MEOX2: variants seen among roughly 807,000 people sequenced by gnomAD.
The protein encoded by MEOX2 is mesenchyme homeobox 2.
Under a neutral mutation model 27.0 loss-of-function variants are expected in MEOX2, and 11 were observed. That is an observed-to-expected ratio of 0.41 (90% confidence interval 0.26 to 0.68). MEOX2 has a LOEUF of 0.68. Ranked by LOEUF, MEOX2 falls within the 30% of genes least tolerant of loss-of-function variation. The pLI, the probability that MEOX2 is intolerant of heterozygous loss-of-function variation, is 0.33. For missense variants in MEOX2, 436 were observed against 385.4 expected (o/e 1.13, Z -1.10); for synonymous variants, 189 against 155.4 (o/e 1.22, Z -1.61).
intron 1 of MEOX2, among the ~76,000 whole-genome samples, chr7:15,649,763 G>A (rs1781708372): frequency 6.6e-6 from 1 of 152,042 alleles, no homozygotes; most frequent in Non-Finnish European, 1.5e-5. Context: ...CAATGAGTAT[G>A]GGGTATTGCA....
intron 1 of MEOX2, among the ~76,000 whole-genome samples, chr7:15,640,605 G>A (rs1781544519): frequency 6.6e-6 from 1 of 152,056 alleles, no homozygotes; most frequent in Non-Finnish European, 1.5e-5. Flanking sequence ...TCTTCTTTCA[G>A]TTATTAAAGG....
At position 15,685,319 on chromosome 7, in the gene MEOX2, G is replaced by A. The variant is rs190436217; in HGVS notation, c.517+567C>T. ...AGGGAAAATTTTACCATTTGAAATA[G>A]GGTGCTATTTAAAGAACGCTGAAAT... On this transcript the variant is annotated intron_variant, in intron 1 of 2. Transcript: ENST00000262041. Among the ~76,000 whole-genome samples, 473 of 152,102 alleles carry A rather than the reference G, an allele frequency of 3.1e-3. 3 individuals carry two copies. Among genetic ancestry groups the A allele is most frequent in the Non-Finnish European group, 3.2e-3 (217 of 67,992 alleles).
At chr7:15,625,657 C>A (rs1562596903) in intron 2 of MEOX2, among the ~76,000 whole-genome samples, 1 of 152,064 alleles carries the variant, frequency 6.6e-6, no homozygotes. Context: ...AGACTCTAGC[C>A]CTAAGAGTGC....
At chr7:15,627,029 G>T (rs1781320330) in intron 1 of MEOX2, 111 bp from the exon 2 acceptor site, 2 of 1,008,106 alleles carry the variant, frequency 2.0e-6, no homozygotes, top group African/African-American at 3.2e-5. Flanking sequence ...GCTAGACATG[G>T]AACAAATAGA....
At chr7:15,621,227 G>C (rs1781218497) in intron 2 of MEOX2, among the ~76,000 whole-genome samples, 1 of 152,192 alleles carries the variant, frequency 6.6e-6, no homozygotes, top group Admixed American at 6.5e-5. Flanking sequence ...GAAGCTGTAA[G>C]TTAGAAGCTA....
Position 15,670,295 on chromosome 7 carries a change from T to C in MEOX2, c.517+15591A>G, listed in dbSNP as rs539893935. ...TTTTCATAAATATTTGGTTGATAGA[T>C]GCAAGAATTTATCCATGAAGGCATT... is the stretch of plus-strand genomic sequence containing the variant. On this transcript the variant is annotated intron_variant, in intron 1 of 2. Coordinates refer to ENST00000262041, the MANE Select transcript of MEOX2 (RefSeq NM_005924.5). 7.2e-5 allele frequency among the ~76,000 whole-genome samples: 11 copies of C among 152,364 alleles called. No homozygotes were observed. In the South Asian group the frequency reaches 2.3e-3, roughly 32 times the overall value.
In MEOX2 at chr7:15,655,368, T is replaced by C. The variant is rs183659523; in HGVS notation, c.518-28450A>G. ...TTATTTTCTTTATTACTTTTATATA[T>C]TTTCAACATCATTGATTTCTGCTCT... is the stretch of plus-strand genomic sequence containing the variant. On this transcript the variant is annotated intron_variant, in intron 1 of 2. Transcript: ENST00000262041. Among the ~76,000 whole-genome samples the C allele has an allele frequency of 4.3e-3, 646 of 151,654 alleles. 4 individuals are homozygous for C. The highest frequency in any genetic ancestry group is 5.2e-3 in the Non-Finnish European group (348 of 67,572).
intron 1 of MEOX2, among the ~76,000 whole-genome samples, chr7:15,641,381 GT>G (rs1232449313): frequency 6.6e-6 from 1 of 151,916 alleles, no homozygotes; most frequent in Non-Finnish European, 1.5e-5. Flanking sequence ...TTGTTTGTTT[GT>G]TTGTTTTAAC....
intron 1 of MEOX2, among the ~76,000 whole-genome samples, chr7:15,643,685 C>G (rs1211875578): frequency 6.6e-6 from 1 of 152,212 alleles, no homozygotes; most frequent in Non-Finnish European, 1.5e-5. Flanking sequence ...GGCCACACAC[C>G]CTTCACATTA....
At chr7:15,659,758 CAAAAAAAA>C (rs58319551) in intron 1 of MEOX2, among the ~76,000 whole-genome samples, 1 of 54,216 alleles carries the variant, frequency 1.8e-5, no homozygotes, top group African/African-American at 5.8e-5. Flanking sequence ...AGACTGCTCT[CAAAAAAAA>C]AAAAAAAAAA....
rs1472725502 is a variant in MEOX2 at position 15,686,379 on chromosome 7, G to A, written c.24C>T (p.Cys8=). MEHPLFG[C]LRSPHATAQG... ...GCGCCGTGGCGTGAGGGCTGCGCAGGCAGCCAAAGAGCGGGTGTTCCATAG... is the reference window on the plus strand; with the variant it reads ...GCGCCGTGGCGTGAGGGCTGCGCAGACAGCCAAAGAGCGGGTGTTCCATAG... The change falls in exon 1 of 3, where the codon TGC becomes TGT. Residue 8 remains cysteine (C), a synonymous_variant. Coordinates refer to ENST00000262041, the MANE Select transcript of MEOX2 (RefSeq NM_005924.5). 3.2e-6 allele frequency: 5 copies of A among 1,581,292 alleles called. No individual in the cohort carries two copies. The South Asian group carries it at 3.5e-5, about 11-fold the overall frequency.
chr7:15,645,503 A>G (rs1222681018), intron 1 of MEOX2, among the ~76,000 whole-genome samples: 2 of 152,192 alleles, frequency 1.3e-5, no homozygotes, highest in Non-Finnish European at 2.9e-5. Flanking sequence ...GACTGCAATA[A>G]TATTTTTCTT....
At chr7:15,685,259 T>A (rs1782359352) in intron 1 of MEOX2, among the ~76,000 whole-genome samples, 1 of 152,140 alleles carries the variant, frequency 6.6e-6, no homozygotes, top group South Asian at 2.1e-4. Context: ...TTCCTTAAAA[T>A]CTGAATTCCT....
intron 1 of MEOX2, among the ~76,000 whole-genome samples, chr7:15,663,619 G>C (rs1202263298): frequency 6.6e-6 from 1 of 152,068 alleles, no homozygotes; most frequent in Admixed American, 6.6e-5. Flanking sequence ...GATTACAGGC[G>C]TGAGCCACCG....
intron 1 of MEOX2, among the ~76,000 whole-genome samples, chr7:15,648,456 G>A (rs1781683746): frequency 6.6e-6 from 1 of 152,090 alleles, no homozygotes; most frequent in Non-Finnish European, 1.5e-5. Flanking sequence ...TATCTGGAAA[G>A]TTTAAGATGG....
intron 1 of MEOX2, among the ~76,000 whole-genome samples, chr7:15,649,542 G>A (rs895957276): frequency 6.6e-6 from 1 of 151,966 alleles, no homozygotes; most frequent in African/African-American, 2.4e-5. Flanking sequence ...GCAGAAAAGA[G>A]CTTTCCAGAT....
At chr7:15,665,181 T>C (rs1215868199) in intron 1 of MEOX2, among the ~76,000 whole-genome samples, 1 of 152,076 alleles carries the variant, frequency 6.6e-6, no homozygotes, top group Non-Finnish European at 1.5e-5. Context: ...AGCCATGTGA[T>C]TCAATATCAT....
chr7:15,630,954 C>T lies in MEOX2; in HGVS notation c.518-4036G>A, dbSNP rs1358992572. 3.3e-5 allele frequency among the ~76,000 whole-genome samples: 5 copies of T among 151,804 alleles called. No individual in the cohort carries two copies. The East Asian group carries it at 5.8e-4, about 18-fold the overall frequency. The stretch of plus-strand genomic sequence containing the variant: ...TCCAGGAGTTCTTAAATCCTCTTGC[C>T]AATCCACTTTCCAGATTTGAGAACC... On this transcript the variant is annotated intron_variant, in intron 1 of 2. Coordinates refer to ENST00000262041, the MANE Select transcript of MEOX2 (RefSeq NM_005924.5).
chr7:15,614,720 T>C (rs1330628788), intron 2 of MEOX2, among the ~76,000 whole-genome samples: 1 of 152,138 alleles, frequency 6.6e-6, no homozygotes, highest in East Asian at 1.9e-4. Flanking sequence ...TAAACCTTTA[T>C]ATTTGCTAGG....
Sources: allele counts gnomAD v4.1 joint callset (sites outside exome capture counted in the v4.1 genomes callset), GRCh38; gene constraint gnomAD v4.1.1; transcripts MANE v1.5; gene names NCBI Gene and HGNC (gene_info 2026-07-23, HGNC 2026-07-21).